DSCAM: variants seen among roughly 807,000 people sequenced by gnomAD.
DSCAM encodes the protein cell adhesion molecule DSCAM.
A neutral mutation model predicts 217.7 loss-of-function variants in DSCAM; 47 were observed. That is an observed-to-expected ratio of 0.22 (90% CI 0.17 to 0.28). DSCAM has a LOEUF of 0.28. Ranked by LOEUF, DSCAM falls within the 10% of genes least tolerant of loss-of-function variation. DSCAM has a pLI of 1.00. For synonymous variants in DSCAM, 1,056 were observed against 1,015.3 expected, an observed-to-expected ratio of 1.04 and a Z score of -0.76; for missense variants, 2,080 against 2,618.3, an observed-to-expected ratio of 0.79 and a Z score of 4.49.
At chr21:40,839,668 C>A (rs764135786) in intron 1 of DSCAM, among the ~76,000 whole-genome samples, 1 of 151,958 alleles carries the variant, frequency 6.6e-6, no homozygotes. Context: ...CTACAAAATG[C>A]TGTACAGAGC....
chr21:40,181,843 G>A (rs549565451), intron 14 of DSCAM, among the ~76,000 whole-genome samples: 29 of 152,168 alleles, frequency 1.9e-4, no homozygotes, highest in African/African-American at 7.0e-4. Context: ...TATAGGCTCG[G>A]AGTTGCAGCC....
intron 3 of DSCAM, among the ~76,000 whole-genome samples, chr21:40,462,862 C>T (rs2075817019): frequency 6.6e-6 from 1 of 152,090 alleles, no homozygotes. Flanking sequence ...ATGTGGGGGC[C>T]AGGAGAAGAG....
chr21:40,733,247 G>A (rs2091030733), intron 1 of DSCAM, among the ~76,000 whole-genome samples: 1 of 152,200 alleles, frequency 6.6e-6, no homozygotes, highest in Non-Finnish European at 1.5e-5. Context: ...CAGGAGCTTG[G>A]AAAGAACAGA....
At chr21:40,305,329 G>A (rs2074060587) in intron 9 of DSCAM, among the ~76,000 whole-genome samples, 1 of 149,292 alleles carries the variant, frequency 6.7e-6, no homozygotes, top group Admixed American at 6.7e-5. Context: ...GGTAGAGGTT[G>A]CAGTGAGTGG....
At chr21:40,839,001 C>CT (rs897947414) in intron 1 of DSCAM, among the ~76,000 whole-genome samples, 4 of 152,108 alleles carry the variant, frequency 2.6e-5, no homozygotes, top group African/African-American at 7.2e-5. Context: ...TATTTCATTT[C>CT]TTTTTTTATG....
At chr21:40,100,988 G>A (rs2089742621) in intron 20 of DSCAM, among the ~76,000 whole-genome samples, 1 of 152,162 alleles carries the variant, frequency 6.6e-6, no homozygotes, top group African/African-American at 2.4e-5. Context: ...GAGTTCCTTT[G>A]TGACCTGTGG....
intron 11 of DSCAM, among the ~76,000 whole-genome samples, chr21:40,245,135 T>C (rs58205780): frequency 0.035 from 5,358 of 152,272 alleles, 316 homozygotes; most frequent in African/African-American, 0.12. Context: ...ATCACTCCAG[T>C]AACTTTCAGC....
intron 3 of DSCAM, among the ~76,000 whole-genome samples, chr21:40,489,799 A>AAAAT (rs2076061543): frequency 6.7e-6 from 1 of 149,748 alleles, no homozygotes; most frequent in African/African-American, 2.5e-5. Flanking sequence ...AAAAAAAAAA[A>AAAAT]AATAAGTACC....
At chr21:40,095,520 T>C (rs2089664956) in intron 20 of DSCAM, among the ~76,000 whole-genome samples, 1 of 152,134 alleles carries the variant, frequency 6.6e-6, no homozygotes, top group African/African-American at 2.4e-5. Context: ...CATAGATTAG[T>C]GGTTGTCAGG....
intron 3 of DSCAM, among the ~76,000 whole-genome samples, chr21:40,520,806 C>T (rs2146087471): frequency 6.6e-6 from 1 of 152,142 alleles, no homozygotes; most frequent in African/African-American, 2.4e-5. Flanking sequence ...GACTCTCTCT[C>T]TCTAAAAATA....
chr21:40,298,468 T>A (rs1296398861), intron 9 of DSCAM, among the ~76,000 whole-genome samples: 1 of 152,156 alleles, frequency 6.6e-6, no homozygotes, highest in Non-Finnish European at 1.5e-5. Flanking sequence ...ATTGCTTAAG[T>A]GATAAGCAAT....
chr21:40,474,687 C>G (rs1176795786), intron 3 of DSCAM, among the ~76,000 whole-genome samples: 2 of 152,128 alleles, frequency 1.3e-5, no homozygotes, highest in African/African-American at 4.8e-5. Context: ...TGCACATTAT[C>G]ATTAATCAGG....
chr21:40,371,156 G>C (rs1226981767), intron 3 of DSCAM, among the ~76,000 whole-genome samples: 1 of 152,072 alleles, frequency 6.6e-6, no homozygotes, highest in Non-Finnish European at 1.5e-5. Flanking sequence ...TTTAAAATAT[G>C]CCATAAATAA....
intron 6 of DSCAM, among the ~76,000 whole-genome samples, chr21:40,346,817 T>C (rs1261470253): frequency 6.6e-6 from 1 of 152,240 alleles, no homozygotes; most frequent in Non-Finnish European, 1.5e-5. Context: ...ATTTTCATTC[T>C]ACCAACCACT....
At position 40,347,937 on chromosome 21, in the gene DSCAM, T is replaced by C; in HGVS notation, c.943A>G (p.Lys315Glu). The C allele has an allele frequency of 6.2e-7, 1 of 1,612,280 alleles. No homozygotes were observed. The change falls in exon 6 of 33, where the codon AAA becomes GAA. Residue 315 changes from lysine to glutamate, a missense_variant. Physicochemically the swap from Lys to Glu is moderately conservative, Grantham distance 56. Coordinates refer to ENST00000400454, the MANE Select transcript of DSCAM (RefSeq NM_001389.5). ...ACCTTCCTGGGACTGATGGTGGCTT[T>C]CAGTGGCTCTGGAGGTTTTAGTAAG... ...IGRLYVKQPL[K>E]ATISPRKVKS... is the part of the protein sequence containing the mutation.
At chr21:40,465,710 C>G (rs1292616560) in intron 3 of DSCAM, among the ~76,000 whole-genome samples, 1 of 152,122 alleles carries the variant, frequency 6.6e-6, no homozygotes, top group African/African-American at 2.4e-5. Flanking sequence ...TGGCCCAAGA[C>G]AATTCTTCTT....
chr21:40,677,894 C>G (rs2090358703), intron 3 of DSCAM, among the ~76,000 whole-genome samples: 1 of 152,162 alleles, frequency 6.6e-6, no homozygotes, highest in Non-Finnish European at 1.5e-5. Flanking sequence ...CTCCAGAGCT[C>G]TGAGAAATAA....
intron 3 of DSCAM, among the ~76,000 whole-genome samples, chr21:40,542,123 T>C (rs16999961): frequency 0.076 from 11,589 of 152,274 alleles, 862 homozygotes; most frequent in African/African-American, 0.19. Flanking sequence ...TGAGACTATC[T>C]GCCTACATGT....
intron 1 of DSCAM, among the ~76,000 whole-genome samples, chr21:40,714,541 G>C (rs1038570561): frequency 2.6e-5 from 4 of 152,166 alleles, no homozygotes; most frequent in Non-Finnish European, 5.9e-5. Flanking sequence ...CTTGAAACCT[G>C]TTACCTCTTC....
Sources: allele counts gnomAD v4.1 joint callset (sites outside exome capture counted in the v4.1 genomes callset), GRCh38; gene constraint gnomAD v4.1.1; transcripts MANE v1.5; gene names NCBI Gene and HGNC (gene_info 2026-07-23, HGNC 2026-07-21).